MAGI2: variants seen among roughly 807,000 people sequenced by gnomAD.
MAGI2 encodes the protein membrane-associated guanylate kinase, WW and PDZ domain-containing protein 2.
MAGI2 carries 35 observed loss-of-function variants against 133.3 expected under a neutral mutation model. That is an observed-to-expected ratio of 0.26 (90% confidence interval 0.20 to 0.35). The LOEUF is 0.35. Among genes scored for constraint, MAGI2 ranks in the 10% least tolerant of loss-of-function variants. The probability of loss-of-function intolerance (pLI) is 1.00; values close to 1 mark genes in which losing one functional copy is unlikely to be tolerated. For synonymous variants in MAGI2, 729 were observed against 710.6 expected (o/e 1.03, Z -0.41); for missense variants, 1,636 against 1,863.4 (o/e 0.88, Z 2.25).
intron 2 of MAGI2, among the ~76,000 whole-genome samples, chr7:78,646,439 T>C (rs1810905311): frequency 6.6e-6 from 1 of 152,224 alleles, no homozygotes; most frequent in Non-Finnish European, 1.5e-5. Context: ...TGCATGTATA[T>C]ATGTGTATAA....
chr7:78,082,355 G>C (rs1269335840), intron 20 of MAGI2, among the ~76,000 whole-genome samples: 2 of 152,212 alleles, frequency 1.3e-5, no homozygotes, highest in African/African-American at 4.8e-5. Flanking sequence ...GAGGGGTTTA[G>C]GGGCTGCGTA....
At position 79,388,163 on chromosome 7, in the gene MAGI2, A is replaced by G. The variant is rs111595399; in HGVS notation, c.301+64857T>C. ...TTTGGCTCTGGTATAATTCTCTTCTATTAAGACCATTCATTTTTCTTAACA... is the reference window on the plus strand; with the variant it reads ...TTTGGCTCTGGTATAATTCTCTTCTGTTAAGACCATTCATTTTTCTTAACA... On this transcript the variant is annotated intron_variant, in intron 1 of 21. Transcript: ENST00000354212. Among the ~76,000 whole-genome samples, 1,187 of 152,068 alleles carry G rather than the reference A, an allele frequency of 7.8e-3. 13 individuals carry two copies. The highest frequency in any genetic ancestry group is 0.027 in the African/African-American group (1,110 of 41,532).
At chr7:78,676,669 T>C (rs1220664337) in intron 2 of MAGI2, among the ~76,000 whole-genome samples, 1 of 152,102 alleles carries the variant, frequency 6.6e-6, no homozygotes, top group Non-Finnish European at 1.5e-5. Flanking sequence ...AAAACCGGTG[T>C]TTTCAGTTTA....
chr7:78,086,240 T>G (rs1463519542), intron 20 of MAGI2, among the ~76,000 whole-genome samples: 1 of 125,686 alleles, frequency 8.0e-6, no homozygotes, highest in Non-Finnish European at 1.8e-5. Context: ...TAATTTTTAA[T>G]GTTTTTTTTT....
intron 1 of MAGI2, among the ~76,000 whole-genome samples, chr7:79,100,827 C>A (rs915965013): frequency 1.3e-5 from 2 of 150,966 alleles, no homozygotes; most frequent in African/African-American, 4.9e-5. Flanking sequence ...TATTTTAATC[C>A]ATTAAATTTT....
chr7:78,548,776 A>G (rs1799087421), intron 3 of MAGI2, among the ~76,000 whole-genome samples: 2 of 152,202 alleles, frequency 1.3e-5, no homozygotes, highest in South Asian at 4.1e-4. Flanking sequence ...ACAACTGAAT[A>G]CAGTTTTAGA....
intron 6 of MAGI2, among the ~76,000 whole-genome samples, chr7:78,375,781 T>C (rs953313784): frequency 7.0e-5 from 5 of 70,924 alleles, no homozygotes; most frequent in Non-Finnish European, 1.4e-4. Context: ...AACTGGGGAA[T>C]ATAACTAAAT....
At chr7:78,344,320 T>A (rs1196254535) in intron 8 of MAGI2, among the ~76,000 whole-genome samples, 1 of 152,140 alleles carries the variant, frequency 6.6e-6, no homozygotes, top group East Asian at 1.9e-4. Flanking sequence ...CCAGACAACA[T>A]CTGGATCTGT....
intron 3 of MAGI2, among the ~76,000 whole-genome samples, chr7:78,610,148 A>T (rs1192120408): frequency 6.6e-6 from 1 of 152,200 alleles, no homozygotes; most frequent in East Asian, 1.9e-4. Context: ...ATACTAATTC[A>T]GAGCATACAT....
At chr7:78,294,643 T>A (rs537582098) in intron 9 of MAGI2, among the ~76,000 whole-genome samples, 9 of 151,356 alleles carry the variant, frequency 5.9e-5, no homozygotes, top group Non-Finnish European at 4.4e-5. Context: ...AGTAGTGCAC[T>A]ATCTATCTTG....
intron 2 of MAGI2, among the ~76,000 whole-genome samples, chr7:78,912,715 T>TTATA (rs35766346): frequency 1.4e-5 from 2 of 145,552 alleles, no homozygotes; most frequent in Non-Finnish European, 1.5e-5. Flanking sequence ...AAACTCCCCT[T>TTATA]TATATATATA....
intron 2 of MAGI2, among the ~76,000 whole-genome samples, chr7:78,726,184 C>T (rs1274678664): frequency 6.6e-6 from 1 of 152,106 alleles, no homozygotes; most frequent in Non-Finnish European, 1.5e-5. Context: ...GAATTCACAA[C>T]CTATGTAATC....
At chr7:78,377,830 C>CAAAAA (rs3061266) in intron 6 of MAGI2, among the ~76,000 whole-genome samples, 1 of 145,416 alleles carries the variant, frequency 6.9e-6, no homozygotes, top group Non-Finnish European at 1.5e-5. Context: ...TCAAACTAAA[C>CAAAAA]AAAAAAAAAG....
chr7:78,139,929 T>G (rs1822573496), intron 16 of MAGI2, among the ~76,000 whole-genome samples: 1 of 152,234 alleles, frequency 6.6e-6, no homozygotes, highest in Non-Finnish European at 1.5e-5. Context: ...TTGGCTCTGC[T>G]CAATGTTCCA....
chr7:78,332,457 G>A (rs191195367), intron 9 of MAGI2, among the ~76,000 whole-genome samples: 40 of 152,322 alleles, frequency 2.6e-4, no homozygotes, highest in Admixed American at 2.6e-4. Context: ...CCAGCATTTC[G>A]GGAGGCCGAG....
intron 1 of MAGI2, among the ~76,000 whole-genome samples, chr7:79,286,124 A>C (rs1835979818): frequency 6.6e-6 from 1 of 152,076 alleles, no homozygotes. Flanking sequence ...AGGAAATGAC[A>C]CTTAATCTAA....
chr7:78,044,620 G>A (rs1001125525), intron 21 of MAGI2, among the ~76,000 whole-genome samples: 6 of 151,876 alleles, frequency 4.0e-5, no homozygotes, highest in Non-Finnish European at 7.4e-5. Flanking sequence ...TTGGTAGATG[G>A]TCAGGATACA....
chr7:78,659,102 G>A (rs1812627081), intron 2 of MAGI2, among the ~76,000 whole-genome samples: 1 of 151,916 alleles, frequency 6.6e-6, no homozygotes, highest in Non-Finnish European at 1.5e-5. Context: ...ACGAACTATG[G>A]TACAACCATA....
At chr7:79,376,595 G>T (rs867275743) in intron 1 of MAGI2, among the ~76,000 whole-genome samples, 1 of 151,822 alleles carries the variant, frequency 6.6e-6, no homozygotes, top group Non-Finnish European at 1.5e-5. Context: ...GGTGGGTAGC[G>T]TCTACAATGT....
Sources: allele counts gnomAD v4.1 joint callset (sites outside exome capture counted in the v4.1 genomes callset), GRCh38; gene constraint gnomAD v4.1.1; transcripts MANE v1.5; gene names NCBI Gene and HGNC (gene_info 2026-07-23, HGNC 2026-07-21).